Variants in RAB10 observed in about 807,000 individuals in gnomAD.
RAB10 encodes ras-related protein Rab-10.
Under a neutral mutation model 25.7 loss-of-function variants are expected in RAB10, and 5 were observed. The observed-to-expected ratio is 0.19, with a 90% CI of 0.10 to 0.41. The LOEUF (loss-of-function observed/expected upper bound fraction) is 0.41, where lower values mean the gene tolerates loss of function less well. Among genes scored for constraint, RAB10 ranks in the 10% least tolerant of loss-of-function variants. The probability of loss-of-function intolerance (pLI) is 1.00; values close to 1 mark genes in which losing one functional copy is unlikely to be tolerated. For missense variants in RAB10, 103 were observed against 245.8 expected (o/e 0.42, Z 3.89); for synonymous variants, 89 against 86.4 (o/e 1.03, Z -0.16).
chr2:26,069,676 A>C (rs7606351), intron 1 of RAB10, among the ~76,000 whole-genome samples: 115,750 of 140,340 alleles, frequency 0.82, 48,163 homozygotes, highest in African/African-American at 0.94. Flanking sequence ...CCTACCCCCC[A>C]AAAAAAAAGA....
At chr2:26,068,920 G>A (rs1179736719) in intron 1 of RAB10, among the ~76,000 whole-genome samples, 1 of 152,150 alleles carries the variant, frequency 6.6e-6, no homozygotes, top group Non-Finnish European at 1.5e-5. Context: ...ATCTCTTCGT[G>A]GGGGAGAGAA....
intron 5 of RAB10, among the ~76,000 whole-genome samples, chr2:26,132,963 C>T (rs969274465): frequency 1.3e-5 from 2 of 151,576 alleles, no homozygotes; most frequent in Non-Finnish European, 2.9e-5. Flanking sequence ...TTACATTTTT[C>T]TCAAAGATCT....
chr2:26,044,464 T>A (rs1048747611), intron 1 of RAB10, among the ~76,000 whole-genome samples: 1 of 152,198 alleles, frequency 6.6e-6, no homozygotes, highest in Non-Finnish European at 1.5e-5. Flanking sequence ...GAATGAACCC[T>A]TAAATGAATT....
chr2:26,050,389 C>A (rs897341352), intron 1 of RAB10, among the ~76,000 whole-genome samples: 18 of 152,102 alleles, frequency 1.2e-4, no homozygotes, highest in African/African-American at 3.4e-4. Flanking sequence ...TTATAGTAGC[C>A]TAGTTTATCT....
At chr2:26,089,290 G>A (rs1667054663) in intron 1 of RAB10, among the ~76,000 whole-genome samples, 1 of 152,024 alleles carries the variant, frequency 6.6e-6, no homozygotes, top group Admixed American at 6.6e-5. Flanking sequence ...GGGCATGATG[G>A]TGGGTGCCTG....
intron 1 of RAB10, among the ~76,000 whole-genome samples, chr2:26,051,862 G>C (rs1424784487): frequency 1.3e-5 from 2 of 151,494 alleles, no homozygotes; most frequent in African/African-American, 2.4e-5. Context: ...TCCAAGACCA[G>C]CCTGACCAAC....
intron 3 of RAB10, among the ~76,000 whole-genome samples, chr2:26,122,633 AAAAC>A (rs992674536): frequency 5.3e-5 from 8 of 152,108 alleles, no homozygotes; most frequent in African/African-American, 1.4e-4. Flanking sequence ...CTCAAAAAAA[AAAAC>A]AAAAAAAAAG....
At chr2:26,093,195 G>A (rs1216139268) in intron 1 of RAB10, among the ~76,000 whole-genome samples, 2 of 152,084 alleles carry the variant, frequency 1.3e-5, no homozygotes, top group Admixed American at 1.3e-4. Context: ...CCTTTTATAT[G>A]GTGAGCATTT....
chr2:26,108,562 A>G (rs1168135049), intron 2 of RAB10, among the ~76,000 whole-genome samples: 1 of 152,064 alleles, frequency 6.6e-6, no homozygotes, highest in Non-Finnish European at 1.5e-5. Flanking sequence ...AAATCTGTAC[A>G]TGTAATAAAT....
At chr2:26,080,418 T>C (rs1269147945) in intron 1 of RAB10, among the ~76,000 whole-genome samples, 1 of 152,152 alleles carries the variant, frequency 6.6e-6, no homozygotes. Context: ...ACATGATAAT[T>C]ATTTAGTCTG....
chr2:26,073,682 G>T (rs140449930), intron 1 of RAB10, among the ~76,000 whole-genome samples: 1 of 152,296 alleles, frequency 6.6e-6, no homozygotes, highest in African/African-American at 2.4e-5. Flanking sequence ...GATAGTTACA[G>T]TCAGCTATGA....
In RAB10 at chr2:26,136,169, T is replaced by G. The variant is rs986777644; in HGVS notation, c.*1148T>G. The G allele has an allele frequency of 1.3e-5, 2 of 152,662 alleles. No homozygotes were observed. The highest frequency in any genetic ancestry group is 2.4e-5 in the African/African-American group (1 of 41,470). The allele number at this position is 152,662 out of a possible 1,614,324, so 9.5% of individuals were successfully genotyped here. A position where few individuals can be genotyped will look rare whatever the true frequency, so the allele number is the denominator to read the frequency against. ...AATTAGGTGTATAGCCTATTCACTT[T>G]CCTAGAATAAATCTCTTAACCTAAA... is the stretch of plus-strand genomic sequence containing the variant. On this transcript the variant is annotated 3_prime_UTR_variant, in exon 6 of 6. Coordinates refer to ENST00000264710, the MANE Select transcript of RAB10 (RefSeq NM_016131.5).
intron 1 of RAB10, among the ~76,000 whole-genome samples, chr2:26,074,983 G>C (rs1249739610): frequency 2.6e-5 from 4 of 152,190 alleles, no homozygotes; most frequent in African/African-American, 9.6e-5. Flanking sequence ...GGACTTTTGG[G>C]AGGGACAGAA....
At chr2:26,087,712 TAC>T (rs1459609786) in intron 1 of RAB10, among the ~76,000 whole-genome samples, 1 of 152,214 alleles carries the variant, frequency 6.6e-6, no homozygotes, top group Admixed American at 6.5e-5. Flanking sequence ...TTTCTGCTGT[TAC>T]TTTTTATTTT....
rs1666378862 is a variant in RAB10 at position 26,060,882 on chromosome 2, T to A, written c.127+26147T>A. Among the ~76,000 whole-genome samples, 6 of 152,286 alleles carry A rather than the reference T, an allele frequency of 3.9e-5. No individual in the cohort carries two copies. In the East Asian group the frequency reaches 1.2e-3, roughly 29 times the overall value. ...CGACTTAAATGTCTTTCAAGATGGC[T>A]ACAGAGCTTCCATTTTGCTACTTGA... is the stretch of plus-strand genomic sequence containing the variant. On this transcript the variant is annotated intron_variant, in intron 1 of 5. Transcript: ENST00000264710.
chr2:26,079,314 C>CACACAA (rs1559586900), intron 1 of RAB10, among the ~76,000 whole-genome samples: 1 of 89,536 alleles, frequency 1.1e-5, no homozygotes, highest in East Asian at 5.2e-4. Context: ...GTTTGAAACA[C>CACACAA]ACACACACAA....
intron 1 of RAB10, among the ~76,000 whole-genome samples, chr2:26,070,049 G>T (rs1666592457): frequency 6.6e-6 from 1 of 152,188 alleles, no homozygotes; most frequent in Non-Finnish European, 1.5e-5. Context: ...GGAGGTGTGT[G>T]TGTGTCAGTC....
chr2:26,092,292 TGTGTGTGTGTGTGTGTGTGTG>T (rs1559590804), intron 1 of RAB10, among the ~76,000 whole-genome samples: 46 of 138,074 alleles, frequency 3.3e-4, no homozygotes, highest in African/African-American at 1.5e-3. Context: ...TGTGTGTGTG[TGTGTGTGTGTGTGTGTGTGTG>T]TGTGTGTGTT....
rs780432621 is a variant in RAB10, at chr2:26,034,579, C to T, written c.-30C>T. On this transcript the variant is annotated 5_prime_UTR_variant, in exon 1 of 6. Transcript: ENST00000264710. Reference sequence around the variant, plus strand: ...AGAGGGACCGATCCCTTGGGGCCGCCGGCGGCGAGAGCCCGAGCCGCTCCT... The same window carrying T: ...AGAGGGACCGATCCCTTGGGGCCGCTGGCGGCGAGAGCCCGAGCCGCTCCT... 1.1e-5 allele frequency: 17 copies of T among 1,612,092 alleles called. No homozygotes were observed. The highest frequency in any genetic ancestry group is 1.4e-5 in the Non-Finnish European group (17 of 1,179,876).
Sources: gnomAD v4.1 joint callset for allele counts (sites outside exome capture counted in the v4.1 genomes callset) on GRCh38, gnomAD v4.1.1 for gene constraint, MANE v1.5 for transcripts, NCBI Gene and HGNC (gene_info 2026-07-23, HGNC 2026-07-21) for gene names.